ZC3H14: variants seen among roughly 807,000 people sequenced by gnomAD.
ZC3H14 encodes the protein zinc finger CCCH domain-containing protein 14.
A neutral mutation model predicts 92.4 loss-of-function variants in ZC3H14; 31 were observed. The ratio of observed to expected loss-of-function variants is 0.34; its 90% CI spans 0.25 to 0.45. ZC3H14 has a LOEUF of 0.45. Among genes scored for constraint, ZC3H14 ranks in the 20% least tolerant of loss-of-function variants. The pLI, the probability that ZC3H14 is intolerant of heterozygous loss-of-function variation, is 1.00. For synonymous variants in ZC3H14, 321 were observed against 300.9 expected, an observed-to-expected ratio of 1.07 and a Z score of -0.69; for missense variants, 781 against 897.3, an observed-to-expected ratio of 0.87 and a Z score of 1.66.
intron 15 of ZC3H14, 38 bp downstream of exon 15, chr14:88,609,841 A>G: frequency 6.3e-7 from 1 of 1,589,832 alleles, no homozygotes; most frequent in African/African-American, 1.3e-5. Context: ...TTTAGTGACA[A>G]CATCTCAATT....
intron 9 of ZC3H14, chr14:88,589,166 G>T (rs1301970998): frequency 6.6e-6 from 1 of 152,146 alleles, no homozygotes; most frequent in African/African-American, 2.4e-5. Context: ...CTAGAATTGT[G>T]CTGTGGGCTG....
chr14:88,563,312 C>T, intron 1 of ZC3H14, 143 bp downstream of exon 1: 1 of 1,520,926 alleles, frequency 6.6e-7, no homozygotes, highest in East Asian at 2.5e-5. Context: ...TCCTCCTCGT[C>T]CAGGCCGCCT....
chr14:88,604,307 T>A (rs1282623136), intron 12 of ZC3H14, among the ~76,000 whole-genome samples: 3 of 152,118 alleles, frequency 2.0e-5, no homozygotes, highest in Non-Finnish European at 4.4e-5. Context: ...GTGGTGAGCC[T>A]CCTTTCCCAT....
chr14:88,596,776 C>T lies in ZC3H14; in HGVS notation c.1322C>T (p.Pro441Leu). The change falls in exon 10 of 17, where the codon CCA (proline) becomes CTA (leucine). Residue 441 changes from proline (P) to leucine (L), a missense_variant. Around this residue, in one of 3 missense-constraint regions of ZC3H14, gnomAD observed 454 missense variants for 438.5 expected, o/e 1.04. Transcript: ENST00000251038. ...TTATTATCCCGACTGCAAATCGACC[C>T]AGTAATGGCAGAAACTCTGCAGATG... ...RQLLSRLQIDPVMAETLQMSQ... is the reference protein window; with the variant it reads ...RQLLSRLQIDLVMAETLQMSQ... 1 of 1,614,028 alleles carries T rather than the reference C, an allele frequency of 6.2e-7. No individual in the cohort carries two copies. The highest frequency in any genetic ancestry group is 8.5e-7 in the Non-Finnish European group (1 of 1,179,972).
At chr14:88,609,200 TTA>T in intron 13 of ZC3H14, 65 bp from the exon 14 acceptor site, 2 of 1,594,590 alleles carry the variant, frequency 1.3e-6, no homozygotes, top group Non-Finnish European at 1.7e-6. Flanking sequence ...TAAAGAGCCC[TTA>T]TACACAGAAC....
At chr14:88,573,095 C>G in intron 6 of ZC3H14, 88 bp downstream of exon 6, 1 of 1,473,592 alleles carries the variant, frequency 6.8e-7, no homozygotes, top group Non-Finnish European at 9.3e-7. Flanking sequence ...AACACATATT[C>G]CAAGGCTGGG....
intron 2 of ZC3H14, 155 bp from the exon 3 acceptor site, chr14:88,567,884 G>C (rs775808431): frequency 3.4e-5 from 24 of 695,856 alleles, no homozygotes; most frequent in Non-Finnish European, 5.7e-5. Context: ...GGAATGAAGA[G>C]AAAAAAATTA....
intron 3 of ZC3H14, 137 bp downstream of exon 3, chr14:88,568,290 T>C: frequency 1.4e-6 from 1 of 717,944 alleles, no homozygotes; most frequent in Non-Finnish European, 2.5e-6. Flanking sequence ...GAGCACAGCC[T>C]CTGTATTAGT....
rs1299383405 is a variant in ZC3H14 at position 88,615,165 on chromosome 14, A to C, written c.*3414A>C. On this transcript the variant is annotated 3_prime_UTR_variant, in exon 17 of 17. Transcript: ENST00000251038. The stretch of plus-strand genomic sequence containing the variant: ...CTGATGGCTCGAAAATGAAAATGGA[A>C]ATGTAGCAGCCATATACTGCTAACT... 6.6e-6 allele frequency: 1 copy of C among 152,188 alleles called. No individual in the cohort carries two copies. The highest frequency in any genetic ancestry group is 1.9e-4 in the East Asian group (1 of 5,186). The allele number at this position is 152,188 out of a possible 1,614,324, so 9.4% of individuals were successfully genotyped here.
intron 10 of ZC3H14, among the ~76,000 whole-genome samples, chr14:88,600,907 G>A (rs1017622995): frequency 6.6e-6 from 1 of 152,018 alleles, no homozygotes; most frequent in South Asian, 2.1e-4. Context: ...AGATGCCTTC[G>A]GCCTTGTGAA....
chr14:88,602,103 T>G lies in ZC3H14; in HGVS notation c.1514+20T>G. ...GACACGGTAGATGGTTTCTTTTTCT[T>G]GTGTAGTTAATTTGTGTGATTAGAT... On this transcript the variant is annotated intron_variant, in intron 11 of 16. Transcript: ENST00000251038. 6.2e-7 allele frequency: 1 copy of G among 1,613,410 alleles called. No individual in the cohort carries two copies. The highest frequency in any genetic ancestry group is 1.1e-5 in the South Asian group (1 of 91,016).
chr14:88,588,708 G>GCTGTTT (rs2082743755), intron 9 of ZC3H14, among the ~76,000 whole-genome samples: 1 of 152,086 alleles, frequency 6.6e-6, no homozygotes, highest in African/African-American at 2.4e-5. Context: ...AAAATTTGCT[G>GCTGTTT]TCCTTGTTTT....
intron 9 of ZC3H14, chr14:88,594,896 AAGC>A (rs1401918719): frequency 6.2e-7 from 1 of 1,613,946 alleles, no homozygotes; most frequent in African/African-American, 1.3e-5. Context: ...AAAGGAATGA[AAGC>A]AGCTATTTTG....
chr14:88,579,202 T>C (rs1354459579), intron 9 of ZC3H14, among the ~76,000 whole-genome samples: 2 of 152,246 alleles, frequency 1.3e-5, no homozygotes, highest in African/African-American at 4.8e-5. Flanking sequence ...TGAAACCTTA[T>C]GATTTCAGAA....
chr14:88,594,014 T>C (rs2083479012), intron 9 of ZC3H14, among the ~76,000 whole-genome samples: 1 of 152,214 alleles, frequency 6.6e-6, no homozygotes, highest in East Asian at 1.9e-4. Context: ...CACGATACTA[T>C]ATTAGTGAAG....
chr14:88,578,065 C>G lies in ZC3H14; in HGVS notation c.1204C>G (p.Gln402Glu), dbSNP rs1415429931. The G allele has an allele frequency of 1.2e-6, 2 of 1,613,992 alleles. No individual in the cohort carries two copies. The highest frequency in any genetic ancestry group is 1.7e-5 in the Admixed American group (1 of 60,000). ...EELLAEVVQGQSRTPRISPPI... is the reference protein window; with the variant it reads ...EELLAEVVQGESRTPRISPPI... ...ATTGCTAGCAGAAGTGGTCCAGGGA[C>G]AAAGTAGGACCCCCAGAATAAGTCC... is the stretch of plus-strand genomic sequence containing the variant. The change falls in exon 9 of 17, where the codon CAA (glutamine) becomes GAA (glutamate). Residue 402 changes from glutamine to glutamate, a missense_variant. Around this residue, in one of 3 missense-constraint regions of ZC3H14, gnomAD observed 454 missense variants for 438.5 expected, o/e 1.04. Coordinates refer to ENST00000251038, the MANE Select transcript of ZC3H14 (RefSeq NM_024824.5).
chr14:88,594,581 T>C, intron 9 of ZC3H14: 1 of 1,516,306 alleles, frequency 6.6e-7, no homozygotes, highest in Non-Finnish European at 8.8e-7. Flanking sequence ...TTTAAGATGT[T>C]ATTTGCTCTT....
rs2087655574 is a variant in ZC3H14, at chr14:88,616,587, C to T, written c.*4836C>T. 1.2e-6 allele frequency: 1 copy of T among 855,490 alleles called. No homozygotes were observed. Among genetic ancestry groups the T allele is most frequent in the African/African-American group, 1.7e-5 (1 of 58,570 alleles). The allele number at this position is 855,490 out of a possible 1,614,324, so 53.0% of individuals were successfully genotyped here. On this transcript the variant is annotated 3_prime_UTR_variant, in exon 17 of 17. Transcript: ENST00000251038. The stretch of plus-strand genomic sequence containing the variant: ...GATTTGTTTCTAATAGCTTTTATTT[C>T]AAAGTAAATAGATTTAGAAAGTTTG...
At position 88,612,189 on chromosome 14, in the gene ZC3H14, G is replaced by A; in HGVS notation, c.*438G>A. The A allele has an allele frequency of 6.0e-6, 1 of 165,920 alleles. No homozygotes were observed. Among genetic ancestry groups the A allele is most frequent in the Non-Finnish European group, 1.3e-5 (1 of 76,228 alleles). 10.3% of individuals were successfully genotyped at this position (165,920 alleles called of 1,614,324 possible). A position where few individuals can be genotyped will look rare whatever the true frequency, so the allele number is the denominator to read the frequency against. On this transcript the variant is annotated 3_prime_UTR_variant, in exon 17 of 17. Transcript: ENST00000251038. ...TCACTTTTCCCAAAGATTATATAAT[G>A]TTCATAATCCACCATGAAAACAGCA...
Sources: allele counts gnomAD v4.1 joint callset (sites outside exome capture counted in the v4.1 genomes callset), GRCh38; gene constraint gnomAD v4.1.1; regional missense constraint gnomAD v4.1.1; transcripts MANE v1.5; gene names NCBI Gene and HGNC (gene_info 2026-07-23, HGNC 2026-07-21).